The following CABIN1 variants were observed in gnomAD, a reference collection of about 807,000 sequenced individuals.
The protein encoded by CABIN1 is calcineurin binding protein 1.
Under a neutral mutation model 227.7 loss-of-function variants are expected in CABIN1, and 133 were observed. The ratio of observed to expected loss-of-function variants is 0.58; its 90% CI spans 0.51 to 0.67. The LOEUF is 0.67. Ranked by LOEUF, CABIN1 falls within the 30% of genes least tolerant of loss-of-function variation. The pLI is 0.00. For synonymous variants in CABIN1, 1,086 were observed against 1,155.1 expected, an observed-to-expected ratio of 0.94 and a Z score of 1.21; for missense variants, 2,408 against 2,852.5, an observed-to-expected ratio of 0.84 and a Z score of 3.55.
At chr22:24,100,556 T>C (rs1039479441) in intron 26 of CABIN1, among the ~76,000 whole-genome samples, 1 of 152,244 alleles carries the variant, frequency 6.6e-6, no homozygotes, top group Non-Finnish European at 1.5e-5. Flanking sequence ...CTTCTTGGCC[T>C]GAGACCAGCC....
chr22:24,149,098 T>C (rs2045332538), intron 29 of CABIN1, among the ~76,000 whole-genome samples: 2 of 152,200 alleles, frequency 1.3e-5, no homozygotes, highest in Admixed American at 6.5e-5. Context: ...CTGATTACCA[T>C]GATGACAGGC....
At chr22:24,073,907 T>A (rs896607782) in intron 18 of CABIN1, among the ~76,000 whole-genome samples, 1 of 152,214 alleles carries the variant, frequency 6.6e-6, no homozygotes, top group Non-Finnish European at 1.5e-5. Flanking sequence ...GAGAGGTGCA[T>A]GCACTATTGA....
At chr22:24,105,127 CAG>C (rs1014081544) in intron 26 of CABIN1, among the ~76,000 whole-genome samples, 2 of 152,200 alleles carry the variant, frequency 1.3e-5, no homozygotes, top group African/African-American at 4.8e-5. Flanking sequence ...ACTCAGAACA[CAG>C]AGTCTTTTCT....
At chr22:24,165,717 A>C in intron 31 of CABIN1, 91 bp downstream of exon 31, 1 of 1,019,972 alleles carries the variant, frequency 9.8e-7, no homozygotes, top group Non-Finnish European at 1.5e-6. Context: ...CTATTTGCAT[A>C]CCCTTAGGCA....
At chr22:24,053,327 C>T (rs1241275498) in intron 8 of CABIN1, among the ~76,000 whole-genome samples, 5 of 151,772 alleles carry the variant, frequency 3.3e-5, no homozygotes, top group African/African-American at 4.8e-5. Flanking sequence ...CTGCCCGCCT[C>T]GGCCTCCCAA....
intron 8 of CABIN1, among the ~76,000 whole-genome samples, chr22:24,052,506 A>T (rs2038418728): frequency 6.6e-6 from 1 of 151,102 alleles, no homozygotes; most frequent in Non-Finnish European, 1.5e-5. Flanking sequence ...AAATGTGTAA[A>T]CTAGCTGGGC....
chr22:24,078,126 G>A (rs1442601560), intron 19 of CABIN1, among the ~76,000 whole-genome samples: 1 of 152,008 alleles, frequency 6.6e-6, no homozygotes, highest in South Asian at 2.1e-4. Context: ...TTTCAAAGAG[G>A]CTTTTCTCTC....
intron 29 of CABIN1, among the ~76,000 whole-genome samples, chr22:24,163,567 G>A (rs2046277668): frequency 6.6e-6 from 1 of 152,160 alleles, no homozygotes; most frequent in African/African-American, 2.4e-5. Context: ...TGGCTGCAGG[G>A]ACCCATCTAG....
intron 29 of CABIN1, among the ~76,000 whole-genome samples, chr22:24,157,234 C>T (rs2045885576): frequency 1.3e-5 from 2 of 152,106 alleles, no homozygotes; most frequent in Admixed American, 6.5e-5. Context: ...TTCCTCCCAA[C>T]CTTAGGGGAG....
At chr22:24,149,593 A>T (rs1007386976) in intron 29 of CABIN1, among the ~76,000 whole-genome samples, 2 of 152,248 alleles carry the variant, frequency 1.3e-5, no homozygotes, top group African/African-American at 4.8e-5. Context: ...AAGTTTTGAA[A>T]TGCTGATCTC....
chr22:24,115,900 T>C (rs577317082), intron 27 of CABIN1, among the ~76,000 whole-genome samples: 90 of 152,294 alleles, frequency 5.9e-4, no homozygotes, highest in African/African-American at 2.1e-3. Context: ...GTATTTGTTA[T>C]CAAGCAGCAG....
At chr22:24,169,122 C>T (rs2046635833) in intron 33 of CABIN1, among the ~76,000 whole-genome samples, 2 of 152,038 alleles carry the variant, frequency 1.3e-5, no homozygotes, top group Non-Finnish European at 2.9e-5. Flanking sequence ...TGGGGAGGCC[C>T]CTCCTGGGAG....
intron 33 of CABIN1, among the ~76,000 whole-genome samples, chr22:24,170,752 G>GGGCCCC: frequency 8.6e-6 from 1 of 116,626 alleles, no homozygotes. Flanking sequence ...GTAGCAAACT[G>GGGCCCC]CCCCCCCCCC....
chr22:24,168,391 G>T, intron 32 of CABIN1, 56 bp from the exon 33 acceptor site: 1 of 1,510,408 alleles, frequency 6.6e-7, no homozygotes. Context: ...GACAGGGCTG[G>T]GGGAGGCTAA....
chr22:24,092,335 C>G (rs1014351437), intron 24 of CABIN1, among the ~76,000 whole-genome samples: 2 of 152,170 alleles, frequency 1.3e-5, no homozygotes, highest in African/African-American at 4.8e-5. Context: ...GATTGTTGTT[C>G]AAGAAAAGAG....
At chr22:24,073,233 A>G (rs2146785300) in intron 18 of CABIN1, among the ~76,000 whole-genome samples, 1 of 152,320 alleles carries the variant, frequency 6.6e-6, no homozygotes, top group South Asian at 2.1e-4. Flanking sequence ...CTGTAATCTT[A>G]TCAGATAGAT....
chr22:24,095,642 ACGGAG>A (rs2041845784), intron 24 of CABIN1, among the ~76,000 whole-genome samples: 1 of 152,234 alleles, frequency 6.6e-6, no homozygotes, highest in South Asian at 2.1e-4. Context: ...TGCCCAGTGA[ACGGAG>A]CTGAAGGGTT....
chr22:24,018,314 G>A (rs575070788), intron 1 of CABIN1, among the ~76,000 whole-genome samples: 9 of 151,872 alleles, frequency 5.9e-5, no homozygotes, highest in Admixed American at 1.3e-4. Context: ...TTTTTATGTA[G>A]TTAAATGTAT....
intron 29 of CABIN1, among the ~76,000 whole-genome samples, chr22:24,139,319 A>G (rs553255723): frequency 6.6e-6 from 1 of 152,228 alleles, no homozygotes; most frequent in East Asian, 1.9e-4. Context: ...TCACGCCTGT[A>G]ATCCCAGCAC....
Sources: allele counts gnomAD v4.1 joint callset (sites outside exome capture counted in the v4.1 genomes callset), GRCh38; gene constraint gnomAD v4.1.1; transcripts MANE v1.5; gene names NCBI Gene and HGNC (gene_info 2026-07-23, HGNC 2026-07-21).